Variants in EYS observed in about 807,000 individuals in gnomAD.
EYS encodes the protein EGF-like photoreceptor maintenance factor.
Under a neutral mutation model 282.1 loss-of-function variants are expected in EYS, and 250 were observed. The ratio of observed to expected loss-of-function variants is 0.89; its 90% CI spans 0.80 to 0.98. The LOEUF (loss-of-function observed/expected upper bound fraction) is 0.98. Among genes scored for constraint, EYS ranks in the 50% least tolerant of loss-of-function variants. EYS has a pLI of 0.00. For missense variants in EYS, 4,016 were observed against 3,709.0 expected (o/e 1.08, Z -2.15); for synonymous variants, 1,355 against 1,282.9 (o/e 1.06, Z -1.20).
intron 8 of EYS, among the ~76,000 whole-genome samples, chr6:65,374,926 C>T: frequency 6.6e-6 from 1 of 152,160 alleles, no homozygotes; most frequent in African/African-American, 2.4e-5. Flanking sequence ...GGACAGAGAA[C>T]CTGGGGGAAG....
At chr6:64,674,627 G>A (rs1043731510) in intron 22 of EYS, among the ~76,000 whole-genome samples, 1 of 151,732 alleles carries the variant, frequency 6.6e-6, no homozygotes, top group Non-Finnish European at 1.5e-5. Context: ...AATTGCCTAA[G>A]GAATAGAAAG....
intron 22 of EYS, among the ~76,000 whole-genome samples, chr6:64,656,580 A>C (rs1768754102): frequency 6.6e-6 from 1 of 152,172 alleles, no homozygotes; most frequent in Admixed American, 6.5e-5. Context: ...AAATTAAATC[A>C]ACTATTAAAG....
Position 65,015,189 on chromosome 6 carries a change from C to G in EYS, c.2138-17486G>C, listed in dbSNP as rs145235483. ...GTTTTAAGTTTGTGAAAATTAGTTACAGCCATTATAGGAAACTAATAAAGA... is the reference window on the plus strand; with the variant it reads ...GTTTTAAGTTTGTGAAAATTAGTTAGAGCCATTATAGGAAACTAATAAAGA... On this transcript the variant is annotated intron_variant, in intron 13 of 42. Transcript: ENST00000503581. 9.8e-4 allele frequency among the ~76,000 whole-genome samples: 149 copies of G among 152,284 alleles called. 1 individual carries two copies. Among genetic ancestry groups the G allele is most frequent in the African/African-American group, 3.5e-3 (144 of 41,552 alleles).
intron 26 of EYS, among the ~76,000 whole-genome samples, chr6:64,544,945 G>A (rs945265510): frequency 3.9e-5 from 6 of 152,122 alleles, no homozygotes; most frequent in African/African-American, 1.4e-4. Flanking sequence ...AGAGGTACAA[G>A]TAGGAGCTGG....
chr6:65,642,502 G>A (rs1296134981), intron 1 of EYS, among the ~76,000 whole-genome samples: 1 of 150,204 alleles, frequency 6.7e-6, no homozygotes, highest in Non-Finnish European at 1.5e-5. Flanking sequence ...TTAAAATTGG[G>A]CTACAATTCT....
intron 12 of EYS, among the ~76,000 whole-genome samples, chr6:65,165,748 G>T (rs1182600170): frequency 6.6e-6 from 1 of 150,926 alleles, no homozygotes; most frequent in Non-Finnish European, 1.5e-5. Flanking sequence ...GGAAAAAAAA[G>T]TAAGACAACT....
chr6:65,230,357 T>G (rs566283501), intron 12 of EYS, among the ~76,000 whole-genome samples: 1 of 106,312 alleles, frequency 9.4e-6, no homozygotes, highest in Non-Finnish European at 2.1e-5. Context: ...GAATGATTGG[T>G]CCAGGTTTAG....
chr6:64,242,282 T>G lies in EYS; in HGVS notation c.6192-11458A>C, dbSNP rs1029564150. ...AGTGGGGTGTTAAAATCTCACACTATTATTGTGATCATAGAGAAGAGGCAA... is the reference window on the plus strand; with the variant it reads ...AGTGGGGTGTTAAAATCTCACACTAGTATTGTGATCATAGAGAAGAGGCAA... On this transcript the variant is annotated intron_variant, in intron 30 of 42. Coordinates refer to ENST00000503581, the MANE Select transcript of EYS (RefSeq NM_001142800.2). Among the ~76,000 whole-genome samples, 11 of 152,264 alleles carry G rather than the reference T, an allele frequency of 7.2e-5. No individual in the cohort carries two copies. In the South Asian group the frequency reaches 1.9e-3, roughly 26 times the overall value.
chr6:63,899,248 T>TA (rs1773606188), intron 35 of EYS, among the ~76,000 whole-genome samples: 1 of 152,182 alleles, frequency 6.6e-6, no homozygotes, highest in Non-Finnish European at 1.5e-5. Flanking sequence ...CCCTTCACCC[T>TA]GTTTTCTGAG....
intron 37 of EYS, among the ~76,000 whole-genome samples, chr6:63,805,277 A>G (rs1391622229): frequency 6.6e-6 from 1 of 152,220 alleles, no homozygotes; most frequent in Non-Finnish European, 1.5e-5. Context: ...TAGCACATGC[A>G]TAACTAGTTT....
intron 1 of EYS, among the ~76,000 whole-genome samples, chr6:65,655,165 A>T (rs1391449456): frequency 6.6e-6 from 1 of 151,634 alleles, no homozygotes; most frequent in Non-Finnish European, 1.5e-5. Context: ...TTTCTGGATG[A>T]CATTGAAAAC....
chr6:64,211,239 T>C (rs1765756310), intron 31 of EYS, among the ~76,000 whole-genome samples: 1 of 152,220 alleles, frequency 6.6e-6, no homozygotes, highest in Non-Finnish European at 1.5e-5. Flanking sequence ...TCCAAGATTC[T>C]AAATCTGAGA....
chr6:65,295,412 T>G lies in EYS; in HGVS notation c.2023+451A>C, dbSNP rs1268031426. ...GTTTGTGACTTCACTTTTTCTTAAA[T>G]GTTATTAACGTCACGGCATCAAACT... On this transcript the variant is annotated intron_variant, in intron 12 of 42. Coordinates refer to ENST00000503581, the MANE Select transcript of EYS (RefSeq NM_001142800.2). Among the ~76,000 whole-genome samples the G allele has an allele frequency of 3.3e-5, 5 of 152,092 alleles. No homozygotes were observed. The East Asian group carries it at 7.7e-4, about 24-fold the overall frequency.
chr6:65,336,385 AT>A (rs1769990007), intron 10 of EYS, among the ~76,000 whole-genome samples: 2 of 151,722 alleles, frequency 1.3e-5, no homozygotes, highest in Admixed American at 1.3e-4. Context: ...TGTCAAAATC[AT>A]TTTTAATAGT....
intron 12 of EYS, among the ~76,000 whole-genome samples, chr6:65,271,847 G>T (rs796574566): frequency 2.0e-5 from 3 of 152,242 alleles, no homozygotes; most frequent in African/African-American, 7.2e-5. Context: ...GCCTCCCAAA[G>T]TGCTGGAATT....
At chr6:64,775,393 C>T (rs1057208544) in intron 22 of EYS, among the ~76,000 whole-genome samples, 2 of 151,962 alleles carry the variant, frequency 1.3e-5, no homozygotes, top group African/African-American at 4.8e-5. Flanking sequence ...GAAGATAAAC[C>T]TTGGTTCAAA....
At chr6:64,527,776 T>G (rs897501314) in intron 26 of EYS, among the ~76,000 whole-genome samples, 1 of 151,736 alleles carries the variant, frequency 6.6e-6, no homozygotes, top group East Asian at 1.9e-4. Flanking sequence ...AAACCCAAAG[T>G]ATATGTTTTT....
intron 32 of EYS, among the ~76,000 whole-genome samples, chr6:64,078,935 A>T (rs1376348233): frequency 6.6e-6 from 1 of 152,114 alleles, no homozygotes; most frequent in Non-Finnish European, 1.5e-5. Flanking sequence ...AACCCAGAGC[A>T]GGATAATTCC....
intron 29 of EYS, among the ~76,000 whole-genome samples, chr6:64,320,992 T>C (rs1160594698): frequency 6.6e-6 from 1 of 151,742 alleles, no homozygotes; most frequent in Non-Finnish European, 1.5e-5. Context: ...ACCAAACCCT[T>C]ACTATTACCC....
Sources: allele counts gnomAD v4.1 joint callset (sites outside exome capture counted in the v4.1 genomes callset), GRCh38; gene constraint gnomAD v4.1.1; transcripts MANE v1.5; gene names NCBI Gene and HGNC (gene_info 2026-07-23, HGNC 2026-07-21).